The following LZTR1 variants were observed in gnomAD, a reference collection of about 807,000 sequenced individuals.
LZTR1 encodes leucine-zipper-like transcriptional regulator 1.
A neutral mutation model predicts 105.7 loss-of-function variants in LZTR1; 260 were observed. The ratio of observed to expected loss-of-function variants is 2.46; its 90% CI spans 2.22 to 2.72. The LOEUF (loss-of-function observed/expected upper bound fraction) is 2.72. Among genes scored for constraint, LZTR1 ranks in the 30% most tolerant of loss-of-function variants. LZTR1 has a pLI of 0.00. For synonymous variants in LZTR1, 490 were observed against 476.4 expected (o/e 1.03, Z -0.37); for missense variants, 1,214 against 1,166.9 (o/e 1.04, Z -0.59).
intron 18 of LZTR1, 80 bp downstream of exon 18, chr22:20,996,192 C>T (rs549698383): frequency 2.0e-6 from 3 of 1,480,006 alleles, no homozygotes; most frequent in Admixed American, 1.7e-5. Flanking sequence ...GAGGCCCGCT[C>T]TCCTGCCCCA....
chr22:20,996,385 T>G (rs1924846131), intron 18 of LZTR1: 2 of 594,144 alleles, frequency 3.4e-6, no homozygotes, highest in South Asian at 4.0e-5. Context: ...GTGTGACAGT[T>G]GAGCACAGAC....
rs761430270 is a variant in LZTR1, at chr22:20,996,747, G to A, written c.2271G>A (p.Gln757=). 12 of 1,613,438 alleles carry A rather than the reference G, an allele frequency of 7.4e-6. No individual in the cohort carries two copies. The African/African-American group carries it at 1.6e-4, about 22-fold the overall frequency. Residue 757 remains glutamine (Q), a synonymous_variant, in exon 19 of 21, where the codon CAG becomes CAA. Transcript: ENST00000646124. ...YYYGFYNNRL[Q]AYCKQNLEMN... Reference sequence around the variant, plus strand: ...ACGGCTTCTACAACAACCGGCTGCAGGCGTACTGCAAGCAGAACCTGGAGA... The same window carrying A: ...ACGGCTTCTACAACAACCGGCTGCAAGCGTACTGCAAGCAGAACCTGGAGA...
In LZTR1 at chr22:20,987,944, C is replaced by T; in HGVS notation, c.401-66C>T. On this transcript the variant is annotated intron_variant, in intron 4 of 20. Coordinates refer to ENST00000646124, the MANE Select transcript of LZTR1 (RefSeq NM_006767.4). ...TCAGGGGGGCCAGATTCTGCTCCAC[C>T]TTCCAGGGTTTGAAATCTCCAAGAC... is the stretch of plus-strand genomic sequence containing the variant. The T allele has an allele frequency of 8.1e-6, 8 of 987,064 alleles. No individual in the cohort carries two copies. The Middle Eastern group carries it at 6.5e-4, about 80-fold the overall frequency. The allele number at this position is 987,064 out of a possible 1,614,324, so 61.1% of individuals were successfully genotyped here.
chr22:20,993,758 G>C lies in LZTR1; in HGVS notation c.1353+4G>C, dbSNP rs1924691084. The C allele has an allele frequency of 6.2e-7, 1 of 1,611,532 alleles. No homozygotes were observed. The highest frequency in any genetic ancestry group is 1.3e-5 in the African/African-American group (1 of 74,930). Reference sequence around the variant, plus strand: ...CGTGGAGTTCGTGCTGGGTGAGGTGGGTGCCTGTCCTCGCACCCTGCTCTG... The same window carrying C: ...CGTGGAGTTCGTGCTGGGTGAGGTGCGTGCCTGTCCTCGCACCCTGCTCTG... On this transcript the variant is annotated splice_donor_region_variant and intron_variant, in intron 12 of 20. Transcript: ENST00000646124.
At chr22:20,993,638 A>G (rs769854331) in intron 11 of LZTR1, 24 bp from the exon 12 acceptor site, 13 of 1,584,404 alleles carry the variant, frequency 8.2e-6, no homozygotes, top group African/African-American at 1.3e-5. Context: ...TGCAACATCT[A>G]GTCTCACTGG....
intron 8 of LZTR1, chr22:20,990,801 T>A (rs1399243097): frequency 2.4e-6 from 1 of 409,074 alleles, no homozygotes; most frequent in Admixed American, 4.2e-5. Flanking sequence ...AATAGCTTGG[T>A]CAGTGCCACC....
rs1924677933 is a variant in LZTR1 at position 20,993,535 on chromosome 22, G to A, written c.1261-127G>A. ...GCGGCTGCTTCCTCTCCTCAGCCAG[G>A]CCCACCTGCCTCCTGGGCCCTGAGG... On this transcript the variant is annotated intron_variant, in intron 11 of 20. Coordinates refer to ENST00000646124, the MANE Select transcript of LZTR1 (RefSeq NM_006767.4). The A allele has an allele frequency of 4.2e-6, 3 of 717,404 alleles. No homozygotes were observed. In the Admixed American group the frequency reaches 7.0e-5, roughly 17 times the overall value. The allele number at this position is 717,404 out of a possible 1,614,324, so 44.4% of individuals were successfully genotyped here.
Position 20,996,045 on chromosome 22 carries a change from C to T in LZTR1, c.2152C>T (p.Gln718Ter), listed in dbSNP as rs767482247. The T allele has an allele frequency of 1.9e-6, 3 of 1,613,572 alleles. No individual in the cohort carries two copies. The highest frequency in any genetic ancestry group is 1.7e-5 in the Admixed American group (1 of 60,026). The change falls in exon 18 of 21, where the codon CAG becomes TAG. Residue 718 changes from glutamine to a stop codon, truncating the protein, a stop_gained. Coordinates refer to ENST00000646124, the MANE Select transcript of LZTR1 (RefSeq NM_006767.4). LOFTEE classifies it high-confidence loss of function. ...ISIGEMVPSR[Q>*]AFESMLRYIY... ...CATCGGGGAGATGGTGCCCAGCAGG[C>T]AGGCCTTCGAGTCCATGCTGCGCTA...
In LZTR1 at chr22:20,994,093, T is replaced by A. The variant is rs1301361643; in HGVS notation, c.1450-11T>A. The A allele has an allele frequency of 6.3e-7, 1 of 1,577,240 alleles. No individual in the cohort carries two copies. Among genetic ancestry groups the A allele is most frequent in the Non-Finnish European group, 8.6e-7 (1 of 1,159,800 alleles). On this transcript the variant is annotated splice_polypyrimidine_tract_variant and intron_variant, in intron 13 of 20. Transcript: ENST00000646124. ...CCACTGGGGTGTCCTTGAGCTCCCT[T>A]CTCCCCACAGAAGCTGGAGCAGGAG...
In LZTR1 at chr22:20,998,502, T is replaced by C. The variant is rs1924965120; in HGVS notation, c.*1154T>C. ...TCCAGGACCCCTTTCTTGTTGTGGC[T>C]GCCATGAAGCCACAGCTCCTTGGGG... On this transcript the variant is annotated 3_prime_UTR_variant, in exon 21 of 21. Coordinates refer to ENST00000646124, the MANE Select transcript of LZTR1 (RefSeq NM_006767.4). The C allele has an allele frequency of 6.6e-6, 1 of 152,330 alleles. No homozygotes were observed. The highest frequency in any genetic ancestry group is 2.4e-5 in the African/African-American group (1 of 41,456). The allele number at this position is 152,330 out of a possible 1,614,324, so 9.4% of individuals were successfully genotyped here.
intron 3 of LZTR1, 29 bp downstream of exon 3, chr22:20,985,926 C>G: frequency 1.9e-6 from 3 of 1,610,574 alleles, no homozygotes; most frequent in Non-Finnish European, 2.5e-6. Context: ...CAGGGCCCTG[C>G]CTTTCCTCCT....
At position 20,994,580 on chromosome 22, in the gene LZTR1, C is replaced by T. The variant is rs1456901577; in HGVS notation, c.1638C>T (p.Leu546=). 6 of 1,611,532 alleles carry T rather than the reference C, an allele frequency of 3.7e-6. No individual in the cohort carries two copies. In the South Asian group the frequency reaches 5.5e-5, roughly 15 times the overall value. Residue 546 remains leucine (L), a synonymous_variant, in exon 15 of 21, where the codon CTC becomes CTT. Transcript: ENST00000646124. ...CAGGCCATGTGGAGGATGTGCTGCT[C>T]ATCATGGATGTGTACAAACTGGCAC... The part of the protein sequence containing the change: ...PRKGHVEDVL[L]IMDVYKLALS...
chr22:20,992,191 G>A, intron 9 of LZTR1, 23 bp from the exon 10 acceptor site: 1 of 1,607,954 alleles, frequency 6.2e-7, no homozygotes. Flanking sequence ...CTGGTCTCAT[G>A]CCCATGTGTC....
In LZTR1 at chr22:20,990,678, C is replaced by T. The variant is rs118059952; in HGVS notation, c.791+153C>T. 5,987 of 794,318 alleles carry T rather than the reference C, an allele frequency of 7.5e-3. 77 individuals carry two copies. Among genetic ancestry groups the T allele is most frequent in the Non-Finnish European group, 6.8e-3 (3,432 of 507,720 alleles). The allele number at this position is 794,318 out of a possible 1,614,324, so 49.2% of individuals were successfully genotyped here. A position where few individuals can be genotyped will look rare whatever the true frequency, so the allele number is the denominator to read the frequency against. On this transcript the variant is annotated intron_variant, in intron 8 of 20. Transcript: ENST00000646124. ...GGTTACAGCCCGGAGCAGGGATGTG[C>T]GGTGCCCCTGGCAGGTCCCCAGGAT...
chr22:20,982,928 G>T lies in LZTR1; in HGVS notation c.201-99G>T. 3 of 926,332 alleles carry T rather than the reference G, an allele frequency of 3.2e-6. No homozygotes were observed. The African/African-American group carries it at 4.9e-5, about 15-fold the overall frequency. 57.4% of individuals were successfully genotyped at this position (926,332 alleles called of 1,614,324 possible). On this transcript the variant is annotated intron_variant, in intron 1 of 20. Coordinates refer to ENST00000646124, the MANE Select transcript of LZTR1 (RefSeq NM_006767.4). ...TGATGGATCTTAGCAGTTGAGAGGTGATACCTAACTTCCGTGGCAGCTCTC... is the reference window on the plus strand; with the variant it reads ...TGATGGATCTTAGCAGTTGAGAGGTTATACCTAACTTCCGTGGCAGCTCTC...
At position 20,987,609 on chromosome 22, in the gene LZTR1, GC is replaced by G. The variant is rs779480274; in HGVS notation, c.400+27del. 3.3e-5 allele frequency: 53 copies of G among 1,606,898 alleles called. 1 individual carries two copies. In the Admixed American group the frequency reaches 5.7e-4, roughly 17 times the overall value. ...GTAAGCAGCCTCTTGCCTCCCAGGGGCTGTGTCGCCCCGAGGCCCACAGACA... is the reference window on the plus strand; with the variant it reads ...GTAAGCAGCCTCTTGCCTCCCAGGGGTGTGTCGCCCCGAGGCCCACAGACA... On this transcript the variant is annotated intron_variant, in intron 4 of 20. Transcript: ENST00000646124.
chr22:20,998,139 G>C lies in LZTR1; in HGVS notation c.*791G>C, dbSNP rs1222202948. 6.6e-6 allele frequency: 1 copy of C among 152,440 alleles called. No homozygotes were observed. The highest frequency in any genetic ancestry group is 2.4e-5 in the African/African-American group (1 of 41,450). 9.4% of individuals were successfully genotyped at this position (152,440 alleles called of 1,614,324 possible). The stretch of plus-strand genomic sequence containing the variant: ...CCCACCACACACACCTTGCTGGCCC[G>C]GCCACCACTGCTGGCTTCAGCCCCT... On this transcript the variant is annotated 3_prime_UTR_variant, in exon 21 of 21. Transcript: ENST00000646124.
intron 8 of LZTR1, chr22:20,991,043 C>T (rs116915935): frequency 0.022 from 3,521 of 162,532 alleles, 187 homozygotes; most frequent in East Asian, 0.17. Context: ...GGCAGGGAGC[C>T]CCAGGATGAG....
Position 20,994,192 on chromosome 22 carries a change from T to G in LZTR1, c.1538T>G (p.Ile513Ser), listed in dbSNP as rs755711196. The G allele has an allele frequency of 2.5e-6, 4 of 1,603,664 alleles. No homozygotes were observed. Among genetic ancestry groups the G allele is most frequent in the South Asian group, 1.1e-5 (1 of 90,784 alleles). Residue 513 changes from isoleucine (I) to serine (S), a missense_variant, in exon 14 of 21, where the codon ATC becomes AGC. Transcript: ENST00000646124. ...GARPPLLHVA[I>S]REAEARPFEV... ...CGGCCGCCCCTGCTGCACGTGGCCA[T>G]CCGGGAGGCCGAGGCCCGGCCCTTC...
Sources: gnomAD v4.1 joint callset for allele counts on GRCh38, gnomAD v4.1.1 for gene constraint, MANE v1.5 for transcripts, NCBI Gene and HGNC (gene_info 2026-07-23, HGNC 2026-07-21) for gene names.